Variants in RPAP1 observed in about 807,000 individuals in gnomAD.
The protein encoded by RPAP1 is RNA polymerase II associated protein 1.
RPAP1 carries 109 observed loss-of-function variants against 142.4 expected under a neutral mutation model. The ratio of observed to expected loss-of-function variants is 0.77; its 90% CI spans 0.66 to 0.90. RPAP1 has a LOEUF of 0.90. Ranked by LOEUF, RPAP1 falls within the 40% of genes least tolerant of loss-of-function variation. RPAP1 has a pLI of 0.00. For synonymous variants in RPAP1, 704 were observed against 738.9 expected (o/e 0.95, Z 0.77); for missense variants, 1,546 against 1,751.7 (o/e 0.88, Z 2.10).
chr15:41,536,227 AC>A lies in RPAP1; in HGVS notation c.331-10del. ...GAACTTGTATCTCGTTCCTGTAGCA[AC>A]AAAGCACAAAGTTGTGAAGCACAAT... is the stretch of plus-strand genomic sequence containing the variant. On this transcript the variant is annotated splice_polypyrimidine_tract_variant and intron_variant, in intron 3 of 24. Transcript: ENST00000304330. 6.2e-7 allele frequency: 1 copy of A among 1,613,058 alleles called. No individual in the cohort carries two copies. The highest frequency in any genetic ancestry group is 2.2e-5 in the East Asian group (1 of 44,828).
In RPAP1 at chr15:41,522,542, C is replaced by T. The variant is rs980241248; in HGVS notation, c.2742+223G>A. On this transcript the variant is annotated intron_variant, in intron 19 of 24. Transcript: ENST00000304330. ...AGTAGCTGGGATTACAGGCATGTGC[C>T]ATCATGCCTGGCTAATTTTGTATTT... The T allele has an allele frequency of 1.1e-5, 6 of 564,286 alleles. No individual in the cohort carries two copies. The African/African-American group carries it at 1.1e-4, about 11-fold the overall frequency. The allele number at this position is 564,286 out of a possible 1,614,324, so 35.0% of individuals were successfully genotyped here.
intron 1 of RPAP1, among the ~76,000 whole-genome samples, chr15:41,537,635 A>G (rs757933633): frequency 8.4e-4 from 128 of 152,294 alleles, no homozygotes; most frequent in Non-Finnish European, 1.5e-3. Context: ...TAATCCCAGC[A>G]TTTTGTAAGG....
chr15:41,528,430 A>G, intron 9 of RPAP1, 94 bp from the exon 10 acceptor site: 1 of 855,134 alleles, frequency 1.2e-6, no homozygotes. Context: ...AAAGATAAAT[A>G]AGTGAAATCT....
Position 41,536,488 on chromosome 15 carries a change from G to C in RPAP1, c.330+13C>G. 6.2e-7 allele frequency: 1 copy of C among 1,613,870 alleles called. No individual in the cohort carries two copies. Among genetic ancestry groups the C allele is most frequent in the Non-Finnish European group, 8.5e-7 (1 of 1,179,904 alleles). On this transcript the variant is annotated intron_variant, in intron 3 of 24. Coordinates refer to ENST00000304330, the MANE Select transcript of RPAP1 (RefSeq NM_015540.4). ...TAGAACATCTTATCCTACTCAGCCA[G>C]AGTGAGACGCACAATAATCTTAGTC... is the stretch of plus-strand genomic sequence containing the variant.
intron 1 of RPAP1, among the ~76,000 whole-genome samples, chr15:41,539,948 A>C (rs2140792091): frequency 6.6e-6 from 1 of 152,074 alleles, no homozygotes; most frequent in Admixed American, 6.6e-5. Context: ...CAGAAGAATC[A>C]CTTGAACCTG....
At chr15:41,531,263 C>T (rs1429701849) in intron 6 of RPAP1, 61 bp from the exon 7 acceptor site, 4 of 1,496,956 alleles carry the variant, frequency 2.7e-6, no homozygotes, top group Non-Finnish European at 3.7e-6. Flanking sequence ...CTCCTACAGA[C>T]CTGGAACCCG....
At chr15:41,539,645 G>A (rs1489731910) in intron 1 of RPAP1, among the ~76,000 whole-genome samples, 1 of 151,916 alleles carries the variant, frequency 6.6e-6, no homozygotes, top group Non-Finnish European at 1.5e-5. Context: ...GTACAGGCTG[G>A]TCTCGATCTC....
intron 17 of RPAP1, 119 bp downstream of exon 17, chr15:41,523,652 G>T (rs1232940299): frequency 1.0e-5 from 9 of 904,366 alleles, no homozygotes; most frequent in Non-Finnish European, 1.5e-5. Context: ...GAATTAAAAG[G>T]GAAGATAGTA....
intron 9 of RPAP1, among the ~76,000 whole-genome samples, chr15:41,528,755 G>A (rs1006486611): frequency 6.6e-6 from 1 of 152,154 alleles, no homozygotes; most frequent in African/African-American, 2.4e-5. Flanking sequence ...GAGCAGCAGG[G>A]TCAGCAGGGA....
In RPAP1 at chr15:41,523,907, A is replaced by C. The variant is rs1479486905; in HGVS notation, c.2300T>G (p.Leu767Arg). Reference sequence around the variant, plus strand: ...TAGACACGGCTCAACAAGAGGCTGGAGCCCAGACACCTGTGTCCAAGTGAC... The same window carrying C: ...TAGACACGGCTCAACAAGAGGCTGGCGCCCAGACACCTGTGTCCAAGTGAC... The part of the protein sequence containing the change: ...SLVTWTQVSG[L>R]QPLVEPCLRQ... Residue 767 changes from leucine to arginine, a missense_variant, in exon 17 of 25, where the codon CTC becomes CGC. Physicochemically the swap from Leu to Arg is moderately radical, Grantham distance 102 (BLOSUM62 -2). Coordinates refer to ENST00000304330, the MANE Select transcript of RPAP1 (RefSeq NM_015540.4). The C allele has an allele frequency of 6.2e-7, 1 of 1,608,480 alleles. No homozygotes were observed. Among genetic ancestry groups the C allele is most frequent in the South Asian group, 1.1e-5 (1 of 90,070 alleles).
intron 14 of RPAP1, among the ~76,000 whole-genome samples, chr15:41,525,811 C>T (rs1022696308): frequency 2.0e-5 from 3 of 151,680 alleles, no homozygotes; most frequent in Admixed American, 1.3e-4. Context: ...CATGCCACCA[C>T]GCCTGGCTAA....
At chr15:41,536,924 C>A (rs1348653866) in intron 2 of RPAP1, 21 bp downstream of exon 2, 1 of 1,609,930 alleles carries the variant, frequency 6.2e-7, no homozygotes, top group Non-Finnish European at 8.5e-7. Flanking sequence ...ACTTCTCAGC[C>A]TCACATCCAT....
intron 6 of RPAP1, among the ~76,000 whole-genome samples, chr15:41,533,638 G>C (rs1026652271): frequency 6.6e-6 from 1 of 151,946 alleles, no homozygotes; most frequent in African/African-American, 2.4e-5. Context: ...AAACCAGCCT[G>C]GCCAATACAG....
At chr15:41,519,105 T>C (rs1329964526) in intron 22 of RPAP1, among the ~76,000 whole-genome samples, 3 of 152,222 alleles carry the variant, frequency 2.0e-5, no homozygotes, top group South Asian at 2.1e-4. Flanking sequence ...TTGCCCAAGC[T>C]GGTCAGAAAC....
Position 41,527,202 on chromosome 15 carries a change from G to A in RPAP1, c.1711C>T (p.Arg571Cys), listed in dbSNP as rs751882402. The A allele has an allele frequency of 1.4e-5, 23 of 1,614,064 alleles. No homozygotes were observed. The highest frequency in any genetic ancestry group is 7.7e-5 in the South Asian group (7 of 91,086). Residue 571 changes from arginine (R) to cysteine (C), a missense_variant, in exon 13 of 25, where the codon CGC becomes TGC. Arg to Cys is a radical substitution (Grantham distance 180). Coordinates refer to ENST00000304330, the MANE Select transcript of RPAP1 (RefSeq NM_015540.4). ...GATTCCAGGGAATGCCGGGCCAGGC[G>A]GATGAGCACAGCCAGGATGTCAAGG... is the stretch of plus-strand genomic sequence containing the variant. ...VVLDILAVLI[R>C]LARHSLESAT... is the part of the protein sequence containing the mutation.
rs2051905693 is a variant in RPAP1 at position 41,536,229 on chromosome 15, A to G, written c.331-11T>C. 1.2e-6 allele frequency: 2 copies of G among 1,612,968 alleles called. No individual in the cohort carries two copies. The highest frequency in any genetic ancestry group is 1.7e-6 in the Non-Finnish European group (2 of 1,179,194). On this transcript the variant is annotated splice_polypyrimidine_tract_variant and intron_variant, in intron 3 of 24. Coordinates refer to ENST00000304330, the MANE Select transcript of RPAP1 (RefSeq NM_015540.4). Reference sequence around the variant, plus strand: ...ACTTGTATCTCGTTCCTGTAGCAACAAAGCACAAAGTTGTGAAGCACAATG... The same window carrying G: ...ACTTGTATCTCGTTCCTGTAGCAACGAAGCACAAAGTTGTGAAGCACAATG...
rs1208695523 is a variant in RPAP1, at chr15:41,527,424, T to C, written c.1610A>G (p.Lys537Arg). The stretch of plus-strand genomic sequence containing the variant: ...ATGGGAAAGAAGCTGTCCCTTTACC[T>C]TGATGACATCATGTCGGGCCAGGTC... ...PPDLARHDVI[K>R]GLLATSLLPR... The change falls in exon 12 of 25, where the codon AAG becomes AGG. Residue 537 changes from lysine (K) to arginine (R), a missense_variant and splice_region_variant. This residue lies in a region of RPAP1 where 1,333 missense variants were observed against 1,486.6 expected (regional missense o/e 0.90). Transcript: ENST00000304330. 5 of 1,613,950 alleles carry C rather than the reference T, an allele frequency of 3.1e-6. No individual in the cohort carries two copies. Among genetic ancestry groups the C allele is most frequent in the Non-Finnish European group, 2.5e-6 (3 of 1,180,000 alleles).
intron 10 of RPAP1, 21 bp downstream of exon 10, chr15:41,528,214 C>T (rs759095722): frequency 6.9e-6 from 11 of 1,583,412 alleles, no homozygotes; most frequent in Middle Eastern, 1.7e-4. Context: ...GTGGGCAGGA[C>T]CAGGCTGGCA....
intron 13 of RPAP1, 30 bp from the exon 14 acceptor site, chr15:41,527,098 A>AG: frequency 1.2e-6 from 2 of 1,612,376 alleles, no homozygotes; most frequent in Non-Finnish European, 1.7e-6. Flanking sequence ...AAAGGGAGGA[A>AG]GGGAGGCTGT....
Sources: gnomAD v4.1 joint callset for allele counts (sites outside exome capture counted in the v4.1 genomes callset) on GRCh38, gnomAD v4.1.1 for gene constraint, gnomAD v4.1.1 regional missense constraint, MANE v1.5 for transcripts, NCBI Gene and HGNC (gene_info 2026-07-23, HGNC 2026-07-21) for gene names.